The following FAM13A variants were observed in gnomAD, a reference collection of about 807,000 sequenced individuals.
FAM13A encodes protein FAM13A.
Under a neutral mutation model 129.6 loss-of-function variants are expected in FAM13A, and 76 were observed. The observed-to-expected ratio is 0.59, with a 90% CI of 0.49 to 0.71. The LOEUF (loss-of-function observed/expected upper bound fraction) is 0.71. Ranked by LOEUF, FAM13A falls within the 30% of genes least tolerant of loss-of-function variation. The pLI is 0.00. For missense variants in FAM13A, 1,108 were observed against 1,249.3 expected (o/e 0.89, Z 1.70); for synonymous variants, 443 against 449.9 (o/e 0.98, Z 0.20).
At chr4:89,043,249 G>C (rs1224436648) in intron 1 of FAM13A, among the ~76,000 whole-genome samples, 1 of 152,178 alleles carries the variant, frequency 6.6e-6, no homozygotes, top group Non-Finnish European at 1.5e-5. Flanking sequence ...GGCACACCAA[G>C]GTGGCAGATA....
chr4:88,909,735 C>T (rs564420450), intron 5 of FAM13A, among the ~76,000 whole-genome samples: 1 of 152,182 alleles, frequency 6.6e-6, no homozygotes, highest in East Asian at 1.9e-4. Flanking sequence ...TCCGCCCACC[C>T]TGGCCTCCCA....
intron 8 of FAM13A, among the ~76,000 whole-genome samples, 176 bp from the exon 9 acceptor site, chr4:88,790,803 A>T (rs1724976891): frequency 6.6e-6 from 1 of 152,126 alleles, no homozygotes; most frequent in South Asian, 2.1e-4. Flanking sequence ...AGAAATGGAG[A>T]TGGCCCTGCT....
chr4:89,054,437 G>A (rs778536063), intron 1 of FAM13A, among the ~76,000 whole-genome samples: 1 of 152,048 alleles, frequency 6.6e-6, no homozygotes, highest in African/African-American at 2.4e-5. Context: ...AAATGTTGGG[G>A]TTCAAAAAGC....
At chr4:88,795,406 C>T (rs547475090) in intron 8 of FAM13A, among the ~76,000 whole-genome samples, 6 of 151,808 alleles carry the variant, frequency 4.0e-5, no homozygotes, top group Non-Finnish European at 5.9e-5. Context: ...GAATACTCAT[C>T]TTTTATACAG....
intron 19 of FAM13A, 65 bp downstream of exon 19, chr4:88,746,867 C>T: frequency 1.9e-6 from 2 of 1,048,632 alleles, no homozygotes; most frequent in South Asian, 1.3e-5. Context: ...AAATACTGAA[C>T]ATAGAAAATC....
chr4:88,943,098 G>A (rs1021963393), intron 4 of FAM13A, among the ~76,000 whole-genome samples: 1 of 152,128 alleles, frequency 6.6e-6, no homozygotes, highest in African/African-American at 2.4e-5. Flanking sequence ...TTACAATTAT[G>A]ACTTTGGTTA....
intron 7 of FAM13A, among the ~76,000 whole-genome samples, chr4:88,809,274 A>G (rs1198734545): frequency 2.0e-5 from 3 of 152,166 alleles, no homozygotes; most frequent in Non-Finnish European, 4.4e-5. Flanking sequence ...ATTCCATTCC[A>G]TTCCCTTTTT....
intron 3 of FAM13A, among the ~76,000 whole-genome samples, chr4:89,015,023 A>C (rs2149094413): frequency 6.6e-6 from 1 of 152,160 alleles, no homozygotes; most frequent in African/African-American, 2.4e-5. Context: ...ATGCGTTCCT[A>C]GGGGGTGGTC....
At chr4:88,905,151 G>A (rs1030548605) in intron 6 of FAM13A, among the ~76,000 whole-genome samples, 9 of 152,052 alleles carry the variant, frequency 5.9e-5, no homozygotes, top group Admixed American at 5.9e-4. Context: ...GTATGTATGT[G>A]TGTATATATG....
intron 11 of FAM13A, among the ~76,000 whole-genome samples, chr4:88,772,188 G>T (rs887471759): frequency 2.0e-5 from 3 of 152,100 alleles, no homozygotes; most frequent in Non-Finnish European, 4.4e-5. Context: ...GTCAAAACAG[G>T]TTCATTATTC....
chr4:88,910,329 A>G (rs1579231618), intron 5 of FAM13A, among the ~76,000 whole-genome samples: 2 of 152,316 alleles, frequency 1.3e-5, no homozygotes, highest in South Asian at 4.1e-4. Flanking sequence ...AGTTAAAAAT[A>G]CAATAAGGAA....
At chr4:89,051,501 T>C (rs757102444) in intron 1 of FAM13A, among the ~76,000 whole-genome samples, 2 of 152,204 alleles carry the variant, frequency 1.3e-5, no homozygotes, top group African/African-American at 2.4e-5. Flanking sequence ...AAAATTCGTA[T>C]CCTTTTCGCA....
At chr4:88,922,877 G>A (rs1280200574) in intron 5 of FAM13A, among the ~76,000 whole-genome samples, 50 of 152,092 alleles carry the variant, frequency 3.3e-4, no homozygotes, top group Non-Finnish European at 5.6e-4. Flanking sequence ...TATCACCACC[G>A]ATCCCACAGA....
chr4:88,986,377 G>A (rs948752555), intron 4 of FAM13A, among the ~76,000 whole-genome samples: 32 of 152,100 alleles, frequency 2.1e-4, no homozygotes, highest in African/African-American at 6.5e-4. Context: ...CAAGTGATCC[G>A]CCTGCCTCAG....
At chr4:89,006,782 C>T (rs1344326757) in intron 3 of FAM13A, among the ~76,000 whole-genome samples, 3 of 152,194 alleles carry the variant, frequency 2.0e-5, no homozygotes, top group South Asian at 2.1e-4. Context: ...TGGCTCTCAG[C>T]GGAAGGAGAG....
At chr4:88,838,878 T>G (rs555394220) in intron 7 of FAM13A, among the ~76,000 whole-genome samples, 1 of 152,224 alleles carries the variant, frequency 6.6e-6, no homozygotes, top group Non-Finnish European at 1.5e-5. Flanking sequence ...CTCCTTATAG[T>G]TGCAGATTAA....
At chr4:88,998,160 G>C (rs758320716) in intron 3 of FAM13A, among the ~76,000 whole-genome samples, 136 of 152,142 alleles carry the variant, frequency 8.9e-4, no homozygotes, top group Non-Finnish European at 1.6e-3. Flanking sequence ...GTGAGATTTA[G>C]AGTAGAGGAA....
intron 4 of FAM13A, among the ~76,000 whole-genome samples, chr4:88,970,723 A>G (rs1903006): frequency 0.69 from 105,272 of 151,882 alleles, 36,592 homozygotes; most frequent in Middle Eastern, 0.8. Flanking sequence ...GAAATTTTAA[A>G]AAATTTCAGA....
At chr4:88,854,009 T>C (rs147351935) in intron 6 of FAM13A, among the ~76,000 whole-genome samples, 1,786 of 152,314 alleles carry the variant, frequency 0.012, 10 homozygotes, top group Non-Finnish European at 0.018. Flanking sequence ...CACTATCGGC[T>C]TCCCTACTTT....
Sources: allele counts gnomAD v4.1 joint callset (sites outside exome capture counted in the v4.1 genomes callset), GRCh38; gene constraint gnomAD v4.1.1; transcripts MANE v1.5; gene names NCBI Gene and HGNC (gene_info 2026-07-23, HGNC 2026-07-21).